The following LAMA3 variants were observed in gnomAD, a reference collection of about 807,000 sequenced individuals.
LAMA3 encodes the protein laminin subunit alpha-3.
In LAMA3, 281 loss-of-function variants were observed where a neutral mutation model predicts 402.0. The observed-to-expected ratio is 0.70, with a 90% CI of 0.63 to 0.77. The LOEUF is 0.77. LAMA3 is among the 30% of genes least tolerant of loss of function. The probability of loss-of-function intolerance (pLI) is 0.00; values close to 1 mark genes in which losing one functional copy is unlikely to be tolerated. For missense variants in LAMA3, 3,840 were observed against 4,215.5 expected (o/e 0.91, Z 2.47); for synonymous variants, 1,431 against 1,558.4 (o/e 0.92, Z 1.93).
chr18:23,838,998 G>A (rs2063641598), intron 26 of LAMA3, 120 bp downstream of exon 26: 2 of 734,640 alleles, frequency 2.7e-6, no homozygotes, highest in African/African-American at 1.7e-5. Context: ...AAAGTCTGGT[G>A]GTGGATTTAA....
intron 25 of LAMA3, among the ~76,000 whole-genome samples, chr18:23,837,568 C>CATATAT (rs983234157): frequency 4.7e-5 from 1 of 21,326 alleles, no homozygotes; most frequent in African/African-American, 2.8e-4. Context: ...TTCAGTTAAT[C>CATATAT]AGATATATAT....
chr18:23,742,142 CTCCA>C (rs2061574026), intron 2 of LAMA3, among the ~76,000 whole-genome samples: 1 of 152,154 alleles, frequency 6.6e-6, no homozygotes, highest in African/African-American at 2.4e-5. Context: ...AACAAGAATG[CTCCA>C]TCTGAGTCAA....
chr18:23,931,064 A>G lies in LAMA3; in HGVS notation c.8439A>G (p.Thr2813=). 1 of 1,613,544 alleles carries G rather than the reference A, an allele frequency of 6.2e-7. No individual in the cohort carries two copies. Among genetic ancestry groups the G allele is most frequent in the Non-Finnish European group, 8.5e-7 (1 of 1,179,420 alleles). The change falls in exon 65 of 75, where the codon ACA becomes ACG. Residue 2813 remains threonine, a splice_region_variant and synonymous_variant. Transcript: ENST00000313654. The stretch of plus-strand genomic sequence containing the variant: ...GGTATTTTCTATGGTGATTTCAGAC[A>G]AGGAACCTGCAGGTCACTCTGGAAG... ...SGILLDHQTW[T]RNLQVTLEDG... is the part of the protein sequence containing the mutation.
At chr18:23,846,183 C>T in intron 30 of LAMA3, 114 bp from the exon 31 acceptor site, 1 of 1,073,210 alleles carries the variant, frequency 9.3e-7, no homozygotes. Flanking sequence ...GACTCCAGAA[C>T]CATGAGCCCG....
At chr18:23,818,893 CTT>C (rs2063228738) in intron 18 of LAMA3, among the ~76,000 whole-genome samples, 1 of 151,898 alleles carries the variant, frequency 6.6e-6, no homozygotes, top group East Asian at 1.9e-4. Context: ...TAATTGTACA[CTT>C]ATGTTGTTTC....
intron 2 of LAMA3, among the ~76,000 whole-genome samples, chr18:23,717,230 T>G (rs1033302796): frequency 6.6e-6 from 1 of 152,196 alleles, no homozygotes; most frequent in Non-Finnish European, 1.5e-5. Flanking sequence ...TTTTCTTCCT[T>G]TTGCTGGAAT....
intron 2 of LAMA3, among the ~76,000 whole-genome samples, chr18:23,727,026 C>T (rs2061312297): frequency 6.6e-6 from 1 of 152,224 alleles, no homozygotes; most frequent in Admixed American, 6.5e-5. Context: ...TATTTTCTCC[C>T]ATTCTGCAGG....
At chr18:23,722,168 G>T in intron 2 of LAMA3, among the ~76,000 whole-genome samples, 1 of 152,144 alleles carries the variant, frequency 6.6e-6, no homozygotes, top group East Asian at 1.9e-4. Context: ...GATGTTCCCT[G>T]GTTCTGGGCC....
chr18:23,909,910 G>A (rs2081376126), intron 55 of LAMA3, among the ~76,000 whole-genome samples: 1 of 152,194 alleles, frequency 6.6e-6, no homozygotes, highest in South Asian at 2.1e-4. Context: ...GGAGAGCCTA[G>A]TCAGAATATC....
chr18:23,743,180 C>T (rs769295196), intron 2 of LAMA3, among the ~76,000 whole-genome samples: 3 of 152,142 alleles, frequency 2.0e-5, no homozygotes, highest in Non-Finnish European at 4.4e-5. Flanking sequence ...AGATATTATT[C>T]TTCATTTTCT....
chr18:23,723,173 T>C (rs1013807261), intron 2 of LAMA3, among the ~76,000 whole-genome samples: 3 of 152,206 alleles, frequency 2.0e-5, no homozygotes, highest in African/African-American at 7.2e-5. Context: ...TCAGTACTGA[T>C]GTTACTTCCC....
At chr18:23,805,109 T>C (rs1413979595) in intron 12 of LAMA3, among the ~76,000 whole-genome samples, 1 of 152,154 alleles carries the variant, frequency 6.6e-6, no homozygotes, top group East Asian at 1.9e-4. Context: ...TGCTTGTTGG[T>C]TTTTACTAAA....
intron 40 of LAMA3, 135 bp from the exon 41 acceptor site, chr18:23,884,638 A>G: frequency 1.2e-6 from 1 of 824,080 alleles, no homozygotes; most frequent in Non-Finnish European, 2.0e-6. Context: ...GATGGGCAAA[A>G]TTTTCTTCAC....
chr18:23,769,178 G>A (rs1289532333), intron 8 of LAMA3, among the ~76,000 whole-genome samples: 1 of 151,998 alleles, frequency 6.6e-6, no homozygotes, highest in East Asian at 1.9e-4. Flanking sequence ...AGAATTTTAG[G>A]AAACTACCTA....
intron 60 of LAMA3, among the ~76,000 whole-genome samples, chr18:23,917,102 T>C (rs1359455760): frequency 1.3e-5 from 2 of 152,188 alleles, no homozygotes; most frequent in Non-Finnish European, 2.9e-5. Flanking sequence ...CTCTCACTTA[T>C]AAGTGAGAAC....
At chr18:23,763,582 G>A (rs1372544694) in intron 8 of LAMA3, 59 bp downstream of exon 8, 27 of 1,026,920 alleles carry the variant, frequency 2.6e-5, no homozygotes, top group Non-Finnish European at 4.2e-5. Flanking sequence ...TATTCAGTAA[G>A]CTCTGCTCCT....
intron 31 of LAMA3, among the ~76,000 whole-genome samples, chr18:23,846,719 G>A (rs1013937915): frequency 3.9e-5 from 6 of 152,202 alleles, no homozygotes; most frequent in African/African-American, 1.4e-4. Flanking sequence ...TCCATGGACC[G>A]CACTCTAAGT....
At chr18:23,882,095 G>T (rs370469721) in intron 40 of LAMA3, 50 bp downstream of exon 40, 5 of 1,245,392 alleles carry the variant, frequency 4.0e-6, no homozygotes, top group Non-Finnish European at 5.9e-6. Flanking sequence ...TCGTTTGGTG[G>T]CTGCCTAGGA....
At chr18:23,924,107 C>G (rs1386010474) in intron 62 of LAMA3, among the ~76,000 whole-genome samples, 1 of 152,068 alleles carries the variant, frequency 6.6e-6, no homozygotes, top group Non-Finnish European at 1.5e-5. Context: ...CTCCCACCCC[C>G]AGAATTCTGG....
Sources: allele counts gnomAD v4.1 joint callset (sites outside exome capture counted in the v4.1 genomes callset), GRCh38; gene constraint gnomAD v4.1.1; transcripts MANE v1.5; gene names NCBI Gene and HGNC (gene_info 2026-07-23, HGNC 2026-07-21).